MYO5C: variants seen among roughly 807,000 people sequenced by gnomAD.
MYO5C encodes myosin VC.
Under a neutral mutation model 235.7 loss-of-function variants are expected in MYO5C, and 194 were observed. That is an observed-to-expected ratio of 0.82 (90% CI 0.73 to 0.93). The LOEUF (loss-of-function observed/expected upper bound fraction) is 0.93. Ranked by LOEUF, MYO5C falls within the 40% of genes least tolerant of loss-of-function variation. The probability of loss-of-function intolerance (pLI) is 0.00; values close to 1 mark genes in which losing one functional copy is unlikely to be tolerated. For missense variants in MYO5C, 2,038 were observed against 2,127.2 expected (o/e 0.96, Z 0.82); for synonymous variants, 707 against 754.8 (o/e 0.94, Z 1.04).
chr15:52,280,541 G>C (rs2037144530), intron 2 of MYO5C, among the ~76,000 whole-genome samples: 2 of 152,194 alleles, frequency 1.3e-5, no homozygotes, highest in African/African-American at 4.8e-5. Flanking sequence ...AAAGCGACTT[G>C]AGCAGGTTAC....
intron 33 of MYO5C, chr15:52,213,504 C>T (rs1425011512): frequency 4.6e-6 from 2 of 434,226 alleles, no homozygotes; most frequent in African/African-American, 2.0e-5. Flanking sequence ...GCTGAAAAGG[C>T]CCAATTATCC....
At chr15:52,235,866 A>C in intron 22 of MYO5C, 103 bp from the exon 23 acceptor site, 1 of 711,552 alleles carries the variant, frequency 1.4e-6, no homozygotes, top group Non-Finnish European at 2.3e-6. Flanking sequence ...AAATTAGTTT[A>C]TTTTTTCTCA....
Position 52,237,520 on chromosome 15 carries a change from C to T in MYO5C, c.2830G>A (p.Glu944Lys), listed in dbSNP as rs199903966. 1.9e-3 allele frequency: 3,127 copies of T among 1,614,180 alleles called. 9 individuals are homozygous for T. Among genetic ancestry groups the T allele is most frequent in the Non-Finnish European group, 2.4e-3 (2,834 of 1,180,038 alleles). Residue 944 changes from glutamate to lysine, a missense_variant, in exon 22 of 41, where the codon GAG becomes AAG. Coordinates refer to ENST00000261839, the MANE Select transcript of MYO5C (RefSeq NM_018728.4). ...TCCCTGTATCTCTTCCCCTTCTCCT[C>T]GTAATTTCGCCTGTGAGTGGCTGCT... ...EKAATHRRNY[E>K]EKGKRYRDAV...
At chr15:52,224,860 T>C in intron 28 of MYO5C, 41 bp downstream of exon 28, 1 of 1,540,054 alleles carries the variant, frequency 6.5e-7, no homozygotes, top group Non-Finnish European at 8.9e-7. Context: ...CTATTTATTA[T>C]CTCTGAAAAA....
intron 1 of MYO5C, among the ~76,000 whole-genome samples, chr15:52,287,377 C>G (rs1208779152): frequency 6.6e-6 from 1 of 152,174 alleles, no homozygotes; most frequent in African/African-American, 2.4e-5. Context: ...TACCCCAGGT[C>G]TGCTATTGAA....
chr15:52,193,867 CT>C lies in MYO5C; in HGVS notation c.*34del, dbSNP rs770908931. On this transcript the variant is annotated 3_prime_UTR_variant, in exon 41 of 41. Coordinates refer to ENST00000261839, the MANE Select transcript of MYO5C (RefSeq NM_018728.4). Reference sequence around the variant, plus strand: ...TCCCTCATATTGAACCTTCACTTAGCTTTTGAAGAAAAAGTGCATTGACTTT... The same window carrying C: ...TCCCTCATATTGAACCTTCACTTAGCTTTGAAGAAAAAGTGCATTGACTTT... 1.3e-6 allele frequency: 2 copies of C among 1,589,480 alleles called. No individual in the cohort carries two copies. The highest frequency in any genetic ancestry group is 1.7e-6 in the Non-Finnish European group (2 of 1,172,090).
chr15:52,214,562 C>T, intron 33 of MYO5C, 41 bp downstream of exon 33: 8 of 1,392,672 alleles, frequency 5.7e-6, no homozygotes, highest in Non-Finnish European at 6.9e-6. Context: ...CGCATGTTAG[C>T]CTTAGCTCAA....
At chr15:52,272,487 C>T (rs1566989457) in intron 6 of MYO5C, 93 bp downstream of exon 6, 2 of 1,259,126 alleles carry the variant, frequency 1.6e-6, no homozygotes, top group Admixed American at 2.2e-5. Flanking sequence ...CTCTTCAACT[C>T]ACAGCATAGT....
At chr15:52,288,071 G>A (rs1362081523) in intron 1 of MYO5C, among the ~76,000 whole-genome samples, 3 of 152,162 alleles carry the variant, frequency 2.0e-5, no homozygotes, top group East Asian at 3.8e-4. Flanking sequence ...AGCCCTGGGG[G>A]CCTTCCAAGG....
chr15:52,288,726 G>A (rs994012439), intron 1 of MYO5C, among the ~76,000 whole-genome samples: 15 of 152,238 alleles, frequency 9.9e-5, no homozygotes, highest in African/African-American at 3.6e-4. Context: ...TCCAGAATAT[G>A]GGGCCTTCCC....
In MYO5C at chr15:52,213,487, A is replaced by C. The variant is rs1441585063; in HGVS notation, c.4043-201T>G. 1.1e-5 allele frequency: 5 copies of C among 474,920 alleles called. No individual in the cohort carries two copies. In the East Asian group the frequency reaches 1.7e-4, roughly 16 times the overall value. 29.4% of individuals were successfully genotyped at this position (474,920 alleles called of 1,614,324 possible). Reference sequence around the variant, plus strand: ...TCTTTATGAGTACATCAGTGAGTACAGCTGCTGCTGAAAAGGCCCAATTAT... The same window carrying C: ...TCTTTATGAGTACATCAGTGAGTACCGCTGCTGCTGAAAAGGCCCAATTAT... On this transcript the variant is annotated intron_variant, in intron 33 of 40. Transcript: ENST00000261839.
chr15:52,219,773 T>G lies in MYO5C; in HGVS notation c.3771A>C (p.Glu1257Asp), dbSNP rs764508400. 3.7e-6 allele frequency: 6 copies of G among 1,612,188 alleles called. No individual in the cohort carries two copies. Among genetic ancestry groups the G allele is most frequent in the Non-Finnish European group, 2.5e-6 (3 of 1,178,630 alleles). The change falls in exon 31 of 41, where the codon GAA becomes GAC. Residue 1257 changes from glutamate (E) to aspartate (D), a missense_variant. Transcript: ENST00000261839. ...SNQLHRSQEE[E>D]GTQRKALEAQ... is the part of the protein sequence containing the mutation. Reference sequence around the variant, plus strand: ...TTTACACTTACTTTCTTTGTGTTCCTTCCTCCTCTTGACTGCGATGTAACT... The same window carrying G: ...TTTACACTTACTTTCTTTGTGTTCCGTCCTCCTCTTGACTGCGATGTAACT...
At chr15:52,241,918 C>G in intron 20 of MYO5C, 130 bp downstream of exon 20, 1 of 1,068,616 alleles carries the variant, frequency 9.4e-7, no homozygotes, top group Non-Finnish European at 1.4e-6. Context: ...GAAGAATCTC[C>G]TTTCTGGCTT....
intron 12 of MYO5C, 45 bp from the exon 13 acceptor site, chr15:52,251,560 A>AT (rs758563121): frequency 6.5e-7 from 1 of 1,545,986 alleles, no homozygotes; most frequent in Non-Finnish European, 8.8e-7. Context: ...AAAACCAGAG[A>AT]TTCATACAGG....
In MYO5C at chr15:52,240,403, T is replaced by C. The variant is rs147139400; in HGVS notation, c.2557-524A>G. On this transcript the variant is annotated intron_variant, in intron 20 of 40. Coordinates refer to ENST00000261839, the MANE Select transcript of MYO5C (RefSeq NM_018728.4). ...AGGCAACATAGCAATACCTCATCTC[T>C]ACAAAAAAATTTTAAAAATTAGCCA... Among the ~76,000 whole-genome samples the C allele has an allele frequency of 4.3e-3, 654 of 151,808 alleles. 5 individuals are homozygous for C. The highest frequency in any genetic ancestry group is 0.015 in the African/African-American group (635 of 41,404).
intron 26 of MYO5C, 97 bp downstream of exon 26, chr15:52,225,342 A>C: frequency 2.5e-6 from 3 of 1,192,550 alleles, no homozygotes; most frequent in Non-Finnish European, 2.5e-6. Context: ...CATATGTCCA[A>C]CCAAATTCAT....
intron 14 of MYO5C, 58 bp from the exon 15 acceptor site, chr15:52,247,650 A>G: frequency 4.4e-6 from 7 of 1,582,164 alleles, no homozygotes; most frequent in Non-Finnish European, 6.0e-6. Context: ...GTACTCACTC[A>G]TACAAGCCAC....
Position 52,205,866 on chromosome 15 carries a change from A to G in MYO5C, c.4487T>C (p.Ile1496Thr). Residue 1496 changes from isoleucine (I) to threonine (T), a missense_variant, in exon 37 of 41, where the codon ATA becomes ACA. Physicochemically the swap from Ile to Thr is moderately conservative, Grantham distance 89 (BLOSUM62 -1). Transcript: ENST00000261839. ...CATTATGATAATAAATTGATGATATATTCGTATAGCCACATCACTGAGAAT... is the reference window on the plus strand; with the variant it reads ...CATTATGATAATAAATTGATGATATGTTCGTATAGCCACATCACTGAGAAT... Reference protein sequence around the residue: ...RQILSDVAIRIYHQFIIIMEK... With the variant: ...RQILSDVAIRTYHQFIIIMEK... 2 of 1,592,800 alleles carry G rather than the reference A, an allele frequency of 1.3e-6. No individual in the cohort carries two copies. Among genetic ancestry groups the G allele is most frequent in the South Asian group, 2.3e-5 (2 of 88,128 alleles).
At chr15:52,255,611 A>T (rs1174946669) in intron 11 of MYO5C, among the ~76,000 whole-genome samples, 1 of 152,198 alleles carries the variant, frequency 6.6e-6, no homozygotes, top group African/African-American at 2.4e-5. Context: ...TTTTAATTTC[A>T]TTGACTTCTG....
Sources: gnomAD v4.1 joint callset for allele counts (sites outside exome capture counted in the v4.1 genomes callset) on GRCh38, gnomAD v4.1.1 for gene constraint, MANE v1.5 for transcripts, NCBI Gene and HGNC (gene_info 2026-07-23, HGNC 2026-07-21) for gene names.